HIVEP3: variants seen among roughly 807,000 people sequenced by gnomAD.
HIVEP3 encodes transcription factor HIVEP3.
HIVEP3 carries 49 observed loss-of-function variants against 152.8 expected under a neutral mutation model. That is an observed-to-expected ratio of 0.32 (90% CI 0.26 to 0.41). HIVEP3 has a LOEUF of 0.41. Ranked by LOEUF, HIVEP3 falls within the 10% of genes least tolerant of loss-of-function variation. The pLI, the probability that HIVEP3 is intolerant of heterozygous loss-of-function variation, is 1.00. For missense variants in HIVEP3, 2,790 were observed against 3,103.3 expected (o/e 0.90, Z 2.40); for synonymous variants, 1,269 against 1,289.0 (o/e 0.98, Z 0.33).
chr1:41,562,846 G>A (rs974963062), intron 5 of HIVEP3, among the ~76,000 whole-genome samples: 1 of 152,124 alleles, frequency 6.6e-6, no homozygotes, highest in Non-Finnish European at 1.5e-5. Flanking sequence ...GCAGGTTGGG[G>A]TGGAGGGAAC....
At chr1:41,613,413 C>T (rs1644924677) in intron 3 of HIVEP3, among the ~76,000 whole-genome samples, 1 of 152,226 alleles carries the variant, frequency 6.6e-6, no homozygotes, top group Admixed American at 6.5e-5. Flanking sequence ...CCCAGCTACA[C>T]ATTTTGGAGA....
chr1:41,544,857 A>G (rs1210121895), intron 5 of HIVEP3, among the ~76,000 whole-genome samples: 1 of 93,924 alleles, frequency 1.1e-5, no homozygotes, highest in African/African-American at 4.8e-5. Context: ...CACCACCACC[A>G]CCACCACCAC....
intron 1 of HIVEP3, among the ~76,000 whole-genome samples, chr1:41,888,222 T>C (rs943555318): frequency 3.5e-5 from 5 of 142,244 alleles, no homozygotes; most frequent in Non-Finnish European, 6.1e-5. Context: ...TTTTTTTTTT[T>C]TTTGTATTTT....
chr1:41,538,214 C>T (rs144875606), intron 5 of HIVEP3, among the ~76,000 whole-genome samples: 252 of 152,070 alleles, frequency 1.7e-3, no homozygotes, highest in Non-Finnish European at 1.8e-3. Flanking sequence ...TATGAGTCTC[C>T]GCCTGAGTGC....
At chr1:41,649,039 T>C (rs184168138) in intron 2 of HIVEP3, among the ~76,000 whole-genome samples, 1 of 152,352 alleles carries the variant, frequency 6.6e-6, no homozygotes, top group East Asian at 1.9e-4. Context: ...AGACCTGCTT[T>C]GGATCATATA....
At chr1:41,943,816 G>A (rs1021816835) in intron 1 of HIVEP3, among the ~76,000 whole-genome samples, 1 of 152,114 alleles carries the variant, frequency 6.6e-6, no homozygotes, top group African/African-American at 2.4e-5. Flanking sequence ...TAAAATATCT[G>A]GCTAAAGAGT....
chr1:41,867,109 C>T (rs769775395), intron 1 of HIVEP3, among the ~76,000 whole-genome samples: 1 of 152,142 alleles, frequency 6.6e-6, no homozygotes, highest in Non-Finnish European at 1.5e-5. Flanking sequence ...GGCTATTGGG[C>T]ACTCTCCCTC....
chr1:41,783,302 G>A (rs1056135684), intron 1 of HIVEP3, among the ~76,000 whole-genome samples: 8 of 152,156 alleles, frequency 5.3e-5, no homozygotes, highest in South Asian at 2.1e-4. Flanking sequence ...GATTCATTCC[G>A]TATTCATTCC....
chr1:41,617,296 A>C (rs1036819211), intron 3 of HIVEP3, among the ~76,000 whole-genome samples: 2 of 152,234 alleles, frequency 1.3e-5, no homozygotes, highest in Non-Finnish European at 2.9e-5. Flanking sequence ...AACATGGATC[A>C]ATGTGTGTGT....
intron 4 of HIVEP3, among the ~76,000 whole-genome samples, chr1:41,579,453 G>A (rs550624123): frequency 2.7e-4 from 41 of 152,228 alleles, no homozygotes; most frequent in African/African-American, 9.2e-4. Context: ...TTCTTACTGA[G>A]ACTGTATCTT....
intron 1 of HIVEP3, among the ~76,000 whole-genome samples, chr1:41,895,669 G>A (rs1462766325): frequency 6.6e-6 from 1 of 152,106 alleles, no homozygotes; most frequent in Non-Finnish European, 1.5e-5. Context: ...GGCTGTTCTA[G>A]CTAACGGTAA....
At chr1:41,851,112 A>G (rs976394347) in intron 1 of HIVEP3, among the ~76,000 whole-genome samples, 2 of 152,054 alleles carry the variant, frequency 1.3e-5, no homozygotes, top group African/African-American at 2.4e-5. Flanking sequence ...CTACTTGCTC[A>G]TTACCCCCTG....
At position 41,545,007 on chromosome 1, in the gene HIVEP3, A is replaced by T. The variant is rs1643694423; in HGVS notation, c.5208-20097T>A. Among the ~76,000 whole-genome samples, 2 of 104,910 alleles carry T rather than the reference A, an allele frequency of 1.9e-5. 1 individual carries two copies. Among genetic ancestry groups the T allele is most frequent in the Non-Finnish European group, 4.3e-5 (2 of 46,694 alleles). The allele number at this position is 104,910 out of a possible 152,430, so 68.8% of individuals were successfully genotyped here. On this transcript the variant is annotated intron_variant, in intron 5 of 8. Coordinates refer to ENST00000372583, the MANE Select transcript of HIVEP3 (RefSeq NM_024503.5). ...CGCCACCACCATCGCTACCATCACC[A>T]CCACCACCACTACCACCACCACCAC...
intron 1 of HIVEP3, among the ~76,000 whole-genome samples, chr1:41,726,403 C>G (rs1364033980): frequency 1.3e-5 from 2 of 152,160 alleles, no homozygotes; most frequent in Non-Finnish European, 2.9e-5. Context: ...GGAAGTGAGG[C>G]CCTTTGAGAA....
chr1:41,550,052 T>C (rs889902028), intron 5 of HIVEP3, among the ~76,000 whole-genome samples: 1 of 152,226 alleles, frequency 6.6e-6, no homozygotes, highest in Non-Finnish European at 1.5e-5. Context: ...AATTTTTGTA[T>C]AAGGTGTAAG....
intron 1 of HIVEP3, among the ~76,000 whole-genome samples, chr1:41,968,120 C>T (rs752022117): frequency 6.6e-6 from 1 of 151,832 alleles, no homozygotes; most frequent in Non-Finnish European, 1.5e-5. Flanking sequence ...ACCAGAGGTA[C>T]AAAGAGGAGA....
intron 1 of HIVEP3, among the ~76,000 whole-genome samples, chr1:41,746,511 A>G (rs372090434): frequency 1.3e-5 from 2 of 152,202 alleles, no homozygotes; most frequent in African/African-American, 2.4e-5. Flanking sequence ...ATTTATGCCT[A>G]TGAGCATGGG....
chr1:41,749,307 G>A lies in HIVEP3; in HGVS notation c.-800-48312C>T, dbSNP rs137940736. Reference sequence around the variant, plus strand: ...TGAGCCCCTCTCACTTCCCCTGGGTGGGTTTCAGCAAAGGCAAAAAATGCA... The same window carrying A: ...TGAGCCCCTCTCACTTCCCCTGGGTAGGTTTCAGCAAAGGCAAAAAATGCA... On this transcript the variant is annotated intron_variant, in intron 1 of 8. Transcript: ENST00000372583. Among the ~76,000 whole-genome samples, 352 of 152,178 alleles carry A rather than the reference G, an allele frequency of 2.3e-3. 7 individuals are homozygous for A. The highest frequency in any genetic ancestry group is 7.9e-3 in the African/African-American group (327 of 41,504).
At chr1:41,791,428 C>T (rs1030163017) in intron 1 of HIVEP3, among the ~76,000 whole-genome samples, 19 of 152,232 alleles carry the variant, frequency 1.2e-4, no homozygotes, top group Non-Finnish European at 2.6e-4. Flanking sequence ...CTGGGTGGAA[C>T]TACCAAGAAG....
Sources: allele counts gnomAD v4.1 joint callset (sites outside exome capture counted in the v4.1 genomes callset), GRCh38; gene constraint gnomAD v4.1.1; transcripts MANE v1.5; gene names NCBI Gene and HGNC (gene_info 2026-07-23, HGNC 2026-07-21).